RNF187: variants seen among roughly 807,000 people sequenced by gnomAD.
RNF187 encodes the protein E3 ubiquitin-protein ligase RNF187.
In RNF187, 18 loss-of-function variants were observed where a neutral mutation model predicts 22.2. That is an observed-to-expected ratio of 0.81 (90% CI 0.56 to 1.20). The LOEUF (loss-of-function observed/expected upper bound fraction) is 1.20, where lower values mean the gene tolerates loss of function less well. Among genes scored for constraint, RNF187 ranks in the 50% most tolerant of loss-of-function variants. The probability of loss-of-function intolerance (pLI) is 0.00; values close to 1 mark genes in which losing one functional copy is unlikely to be tolerated. For synonymous variants in RNF187, 164 were observed against 140.9 expected (o/e 1.16, Z -1.16); for missense variants, 329 against 317.6 (o/e 1.04, Z -0.27).
chr1:228,495,635 C>G lies in RNF187; in HGVS notation c.*1750C>G. 1.0e-6 allele frequency: 1 copy of G among 985,632 alleles called. No homozygotes were observed. The allele number at this position is 985,632 out of a possible 1,614,324, so 61.1% of individuals were successfully genotyped here. A position where few individuals can be genotyped will look rare whatever the true frequency, so the allele number is the denominator to read the frequency against. ...CTGATGGCAGAGTCTCCCACAACAT[C>G]AGTGTCTCCACATCACCAGGTCCGA... On this transcript the variant is annotated 3_prime_UTR_variant, in exon 4 of 4. Coordinates refer to ENST00000305943, the MANE Select transcript of RNF187 (RefSeq NM_001010858.3).
At position 228,494,156 on chromosome 1, in the gene RNF187, A is replaced by G; in HGVS notation, c.*271A>G. 3 of 1,407,056 alleles carry G rather than the reference A, an allele frequency of 2.1e-6. No homozygotes were observed. Among genetic ancestry groups the G allele is most frequent in the Admixed American group, 2.9e-5 (1 of 34,620 alleles). The allele number at this position is 1,407,056 out of a possible 1,614,324, so 87.2% of individuals were successfully genotyped here. On this transcript the variant is annotated 3_prime_UTR_variant, in exon 4 of 4. Transcript: ENST00000305943. ...AAGTCCTAGCCACAGCCCATCCTCCATGAGTCCCGGCAGCTCTGGGTCATG... is the reference window on the plus strand; with the variant it reads ...AAGTCCTAGCCACAGCCCATCCTCCGTGAGTCCCGGCAGCTCTGGGTCATG...
Position 228,494,382 on chromosome 1 carries a change from A to T in RNF187, c.*497A>T. ...CAGGTCTTCAGGGAGAGAAAGGAAG[A>T]CTGGATTGCACCTTGATGCCTCCTG... On this transcript the variant is annotated 3_prime_UTR_variant, in exon 4 of 4. Coordinates refer to ENST00000305943, the MANE Select transcript of RNF187 (RefSeq NM_001010858.3). 2 of 1,015,958 alleles carry T rather than the reference A, an allele frequency of 2.0e-6. No individual in the cohort carries two copies. Among genetic ancestry groups the T allele is most frequent in the Non-Finnish European group, 2.4e-6 (2 of 847,382 alleles). 62.9% of individuals were successfully genotyped at this position (1,015,958 alleles called of 1,614,324 possible).
At chr1:228,491,410 TAAAGG>T in intron 2 of RNF187, among the ~76,000 whole-genome samples, 4 of 88,564 alleles carry the variant, frequency 4.5e-5, no homozygotes, top group Non-Finnish European at 6.9e-5. Context: ...AAAAAAAAAA[TAAAGG>T]GAGATGGGTT....
In RNF187 at chr1:228,487,626, CT is replaced by C; in HGVS notation, c.140del (p.Phe47SerfsTer93). The C allele has an allele frequency of 8.2e-7, 1 of 1,223,872 alleles. No individual in the cohort carries two copies. Among genetic ancestry groups the C allele is most frequent in the Non-Finnish European group, 1.0e-6 (1 of 968,102 alleles). The allele number at this position is 1,223,872 out of a possible 1,614,324, so 75.8% of individuals were successfully genotyped here. Reference sequence around the variant, plus strand: ...GCTTCTGGGCCGAGGAGGACGGGCCCTTCCCGTGCCCCGAGTGCGCCGACGA... The same window carrying C: ...GCTTCTGGGCCGAGGAGGACGGGCCCTCCCGTGCCCCGAGTGCGCCGACGA... On this transcript the variant is annotated frameshift_variant, in exon 1 of 4. Coordinates refer to ENST00000305943, the MANE Select transcript of RNF187 (RefSeq NM_001010858.3). LOFTEE classifies it high-confidence loss of function.
chr1:228,487,488 C>T lies in RNF187; in HGVS notation c.-1C>T. On this transcript the variant is annotated 5_prime_UTR_variant, in exon 1 of 4. Coordinates refer to ENST00000305943, the MANE Select transcript of RNF187 (RefSeq NM_001010858.3). ...CCTTGCCGGCCCCGCCGCCCGCAGC[C>T]CTGGCGCTCCCTGCGGGCCCCGCCG... 1 of 1,126,020 alleles carries T rather than the reference C, an allele frequency of 8.9e-7. No homozygotes were observed. The highest frequency in any genetic ancestry group is 1.1e-6 in the Non-Finnish European group (1 of 922,800). The allele number at this position is 1,126,020 out of a possible 1,614,324, so 69.8% of individuals were successfully genotyped here. A position where few individuals can be genotyped will look rare whatever the true frequency, so the allele number is the denominator to read the frequency against.
At chr1:228,491,945 C>T in intron 2 of RNF187, among the ~76,000 whole-genome samples, 5 of 152,166 alleles carry the variant, frequency 3.3e-5, no homozygotes, top group East Asian at 1.9e-4. Flanking sequence ...GACTTCCTGT[C>T]GTCCTTGATG....
In RNF187 at chr1:228,493,855, CTG is replaced by C; in HGVS notation, c.706-26_706-25del. The C allele has an allele frequency of 6.4e-7, 1 of 1,551,194 alleles. No homozygotes were observed. Among genetic ancestry groups the C allele is most frequent in the Non-Finnish European group, 8.7e-7 (1 of 1,146,452 alleles). ...TGTGTCTCTTTCTCTTTTTGTCTCT[CTG>C]TCTTTCCCTCTCCCCTCCCATGCAG... On this transcript the variant is annotated intron_variant, in intron 3 of 3. Transcript: ENST00000305943. This position sits in a 1 kb window ranked among gnomAD's most constrained non-coding sequence, Gnocchi z 4.7.
intron 2 of RNF187, among the ~76,000 whole-genome samples, chr1:228,489,507 C>T: frequency 6.6e-6 from 1 of 152,140 alleles, no homozygotes; most frequent in Non-Finnish European, 1.5e-5. Context: ...GCTGTGTTGC[C>T]CAGGCTGGTC....
At chr1:228,489,128 C>T in intron 2 of RNF187, 76 bp downstream of exon 2, 2 of 1,261,358 alleles carry the variant, frequency 1.6e-6, no homozygotes, top group South Asian at 2.6e-5. Context: ...GACCACCAGG[C>T]CAAGTGGGCC....
At chr1:228,491,387 C>CAAAAAA in intron 2 of RNF187, among the ~76,000 whole-genome samples, 2 of 75,550 alleles carry the variant, frequency 2.6e-5, no homozygotes, top group South Asian at 6.6e-4. Context: ...GGCCCTATCT[C>CAAAAAA]AAAAAAAAAA....
chr1:228,487,390 C>T lies in RNF187; in HGVS notation c.-99C>T, dbSNP rs1437368475. 2 of 1,039,934 alleles carry T rather than the reference C, an allele frequency of 1.9e-6. No homozygotes were observed. 64.4% of individuals were successfully genotyped at this position (1,039,934 alleles called of 1,614,324 possible). ...CCGTGCGCGTCCCCGGCGTTGGCGT[C>T]TTCGTCCTGTTGCTGGTCTCCGTCC... On this transcript the variant is annotated 5_prime_UTR_variant, in exon 1 of 4. Coordinates refer to ENST00000305943, the MANE Select transcript of RNF187 (RefSeq NM_001010858.3).
Position 228,494,198 on chromosome 1 carries a change from C to T in RNF187, c.*313C>T. The T allele has an allele frequency of 7.4e-6, 10 of 1,343,844 alleles. No homozygotes were observed. Among genetic ancestry groups the T allele is most frequent in the Non-Finnish European group, 9.5e-6 (10 of 1,048,076 alleles). The allele number at this position is 1,343,844 out of a possible 1,614,324, so 83.2% of individuals were successfully genotyped here. A position where few individuals can be genotyped will look rare whatever the true frequency, so the allele number is the denominator to read the frequency against. On this transcript the variant is annotated 3_prime_UTR_variant, in exon 4 of 4. Coordinates refer to ENST00000305943, the MANE Select transcript of RNF187 (RefSeq NM_001010858.3). ...TGGGTCATGCCCTTCCCTGGTCACC[C>T]ATCTGCCCCTCACCTCGTCATCCAG...
intron 2 of RNF187, among the ~76,000 whole-genome samples, chr1:228,491,107 G>T: frequency 1.3e-5 from 2 of 152,132 alleles, no homozygotes; most frequent in Non-Finnish European, 2.9e-5. Flanking sequence ...AACTAACAGG[G>T]TCAGGTGCAG....
chr1:228,493,247 C>T lies in RNF187; in HGVS notation c.678C>T (p.Arg226=). 6.4e-7 allele frequency: 1 copy of T among 1,550,920 alleles called. No individual in the cohort carries two copies. The highest frequency in any genetic ancestry group is 8.7e-7 in the Non-Finnish European group (1 of 1,146,898). ...TCTCGGAGCTGGAGAAGAAGCATCGCAACCTGGGCCTCAGCATGCTGCTGC... is the reference window on the plus strand; with the variant it reads ...TCTCGGAGCTGGAGAAGAAGCATCGTAACCTGGGCCTCAGCATGCTGCTGC... The change falls in exon 3 of 4, where the codon CGC becomes CGT. Residue 226 remains arginine (R), a synonymous_variant. Coordinates refer to ENST00000305943, the MANE Select transcript of RNF187 (RefSeq NM_001010858.3). This position sits in a 1 kb window ranked among gnomAD's most constrained non-coding sequence, Gnocchi z 4.7.
intron 1 of RNF187, 71 bp from the exon 2 acceptor site, chr1:228,488,889 C>T: frequency 3.3e-6 from 4 of 1,208,890 alleles, no homozygotes; most frequent in Non-Finnish European, 4.8e-6. Context: ...GGGGTGATGT[C>T]CCTCAGTACT....
At position 228,494,361 on chromosome 1, in the gene RNF187, T is replaced by G; in HGVS notation, c.*476T>G. ...CGCTCTGTGAAGGCTGGAACTCAGG[T>G]CTTCAGGGAGAGAAAGGAAGACTGG... On this transcript the variant is annotated 3_prime_UTR_variant, in exon 4 of 4. Coordinates refer to ENST00000305943, the MANE Select transcript of RNF187 (RefSeq NM_001010858.3). The G allele has an allele frequency of 2.3e-5, 24 of 1,024,180 alleles. No individual in the cohort carries two copies. The African/African-American group carries it at 4.0e-4, about 17-fold the overall frequency. The allele number at this position is 1,024,180 out of a possible 1,614,324, so 63.4% of individuals were successfully genotyped here. A position where few individuals can be genotyped will look rare whatever the true frequency, so the allele number is the denominator to read the frequency against.
chr1:228,495,214 A>G lies in RNF187; in HGVS notation c.*1329A>G. ...AGTATAGGGTCCATGGGTGGGAATG[A>G]CTGTGAGGAGACATCAGGGCTGAGG... On this transcript the variant is annotated 3_prime_UTR_variant, in exon 4 of 4. Coordinates refer to ENST00000305943, the MANE Select transcript of RNF187 (RefSeq NM_001010858.3). The G allele has an allele frequency of 4.0e-6, 1 of 249,126 alleles. No homozygotes were observed. The highest frequency in any genetic ancestry group is 1.5e-4 in the South Asian group (1 of 6,734). 15.4% of individuals were successfully genotyped at this position (249,126 alleles called of 1,614,324 possible).
chr1:228,489,971 G>A, intron 2 of RNF187, among the ~76,000 whole-genome samples: 1 of 152,190 alleles, frequency 6.6e-6, no homozygotes, highest in Non-Finnish European at 1.5e-5. Context: ...ATCCCAAGGG[G>A]ACATCCCATA....
intron 1 of RNF187, 59 bp downstream of exon 1, chr1:228,487,937 C>T: frequency 1.9e-6 from 2 of 1,043,336 alleles, no homozygotes; most frequent in Non-Finnish European, 2.4e-6. Flanking sequence ...TCTCCGCCCC[C>T]GCCCCGGTCC....
Sources: gnomAD v4.1 joint callset for allele counts (sites outside exome capture counted in the v4.1 genomes callset) on GRCh38, gnomAD v4.1.1 for gene constraint, Gnocchi (gnomAD v3.1) non-coding constraint, MANE v1.5 for transcripts, NCBI Gene and HGNC (gene_info 2026-07-23, HGNC 2026-07-21) for gene names.